The following AGPAT3 variants were observed in gnomAD, a reference collection of about 807,000 sequenced individuals.
The protein encoded by AGPAT3 is 1-acylglycerol-3-phosphate O-acyltransferase 3.
Under a neutral mutation model 47.3 loss-of-function variants are expected in AGPAT3, and 5 were observed. The ratio of observed to expected loss-of-function variants is 0.11; its 90% confidence interval spans 0.06 to 0.22. AGPAT3 has a LOEUF of 0.22. AGPAT3 is among the 10% of genes least tolerant of loss of function. The pLI is 1.00. For synonymous variants in AGPAT3, 212 were observed against 208.3 expected (o/e 1.02, Z -0.15); for missense variants, 315 against 493.0 (o/e 0.64, Z 3.42).
rs1008711500 is a variant in AGPAT3, at chr21:43,908,481, A to G, written c.-49+4462A>G. On this transcript the variant is annotated intron_variant, in intron 2 of 9. Coordinates refer to ENST00000291572, the MANE Select transcript of AGPAT3 (RefSeq NM_020132.5). The surrounding 1 kb of genome is among the most constrained non-coding windows in gnomAD (Gnocchi z 4.9). ...CTCGCTCCGTGATTCATAACAAGGCATTTGCTTTCCTGGGCCTTGGTGACC... is the reference window on the plus strand; with the variant it reads ...CTCGCTCCGTGATTCATAACAAGGCGTTTGCTTTCCTGGGCCTTGGTGACC... Among the ~76,000 whole-genome samples the G allele has an allele frequency of 6.6e-6, 1 of 152,132 alleles. No homozygotes were observed. The highest frequency in any genetic ancestry group is 1.5e-5 in the Non-Finnish European group (1 of 68,024).
chr21:43,886,811 T>C (rs1477000260), intron 1 of AGPAT3, among the ~76,000 whole-genome samples: 1 of 152,254 alleles, frequency 6.6e-6, no homozygotes, highest in East Asian at 1.9e-4. Context: ...TACTCCATTG[T>C]GTATAAGAAC....
chr21:43,941,790 C>T (rs2087665091), intron 2 of AGPAT3, among the ~76,000 whole-genome samples: 1 of 152,234 alleles, frequency 6.6e-6, no homozygotes, highest in African/African-American at 2.4e-5. Flanking sequence ...GGCGCCTGGG[C>T]GGAGAAAGGG....
chr21:43,909,877 C>T (rs996942481), intron 2 of AGPAT3, among the ~76,000 whole-genome samples: 6 of 152,120 alleles, frequency 3.9e-5, no homozygotes, highest in African/African-American at 9.7e-5. Context: ...TCTATCTGAA[C>T]GCTAGCCCGG....
intron 7 of AGPAT3, among the ~76,000 whole-genome samples, chr21:43,977,676 G>A (rs2089670249): frequency 6.6e-6 from 1 of 152,052 alleles, no homozygotes; most frequent in Non-Finnish European, 1.5e-5. Flanking sequence ...AAGAGATCGA[G>A]ACCATCCTGG....
intron 7 of AGPAT3, among the ~76,000 whole-genome samples, chr21:43,975,325 C>A (rs1019539394): frequency 6.9e-6 from 1 of 145,764 alleles, no homozygotes; most frequent in African/African-American, 2.6e-5. Flanking sequence ...CTGGCGTGTG[C>A]TGGCGTGTGG....
intron 2 of AGPAT3, among the ~76,000 whole-genome samples, chr21:43,910,482 A>C (rs2086608094): frequency 6.6e-6 from 1 of 152,212 alleles, no homozygotes; most frequent in Non-Finnish European, 1.5e-5. Flanking sequence ...GAATTAGGTG[A>C]ATACAGGTGA....
At position 43,981,944 on chromosome 21, in the gene AGPAT3, T is replaced by C. The variant is rs2089868511; in HGVS notation, c.1043-360T>C. ...GATGTGACCTGCTTACATCCGAGGG[T>C]CCTGCTCGTCCACCTCTGTCACCTG... On this transcript the variant is annotated intron_variant, in intron 9 of 9. Coordinates refer to ENST00000291572, the MANE Select transcript of AGPAT3 (RefSeq NM_020132.5). This position sits in a 1 kb window ranked among gnomAD's most constrained non-coding sequence, Gnocchi z 5.3. Among the ~76,000 whole-genome samples the C allele has an allele frequency of 3.3e-5, 5 of 152,200 alleles. No individual in the cohort carries two copies. In the South Asian group the frequency reaches 1.0e-3, roughly 32 times the overall value.
chr21:43,971,519 CG>C, intron 7 of AGPAT3, 29 bp downstream of exon 7: 2 of 1,604,104 alleles, frequency 1.2e-6, no homozygotes, highest in South Asian at 2.2e-5. Flanking sequence ...GCTCTCGCGC[CG>C]CCCCCCATAC....
chr21:43,970,453 C>T lies in AGPAT3; in HGVS notation c.511-200C>T, dbSNP rs943450644. Among the ~76,000 whole-genome samples the T allele has an allele frequency of 2.0e-5, 3 of 151,240 alleles. No homozygotes were observed. The highest frequency in any genetic ancestry group is 4.9e-5 in the African/African-American group (2 of 40,930). ...TGGAGAGCTCTCCTGTGTGAATGAACGTGTGTGACTGGAGTGCAGACTGTG... is the reference window on the plus strand; with the variant it reads ...TGGAGAGCTCTCCTGTGTGAATGAATGTGTGTGACTGGAGTGCAGACTGTG... On this transcript the variant is annotated intron_variant, in intron 5 of 9. Transcript: ENST00000291572. This position sits in a 1 kb window ranked among gnomAD's most constrained non-coding sequence, Gnocchi z 5.8.
chr21:43,876,201 T>G (rs1015040018), intron 1 of AGPAT3, among the ~76,000 whole-genome samples: 1 of 152,226 alleles, frequency 6.6e-6, no homozygotes, highest in Non-Finnish European at 1.5e-5. Flanking sequence ...TACACTTATT[T>G]TTATTTTCTC....
chr21:43,963,988 G>A (rs1419664580), intron 3 of AGPAT3, among the ~76,000 whole-genome samples: 1 of 152,104 alleles, frequency 6.6e-6, no homozygotes, highest in African/African-American at 2.4e-5. Context: ...TTAAGGATGT[G>A]TTTCAGTAAG....
rs928322565 is a variant in AGPAT3, at chr21:43,880,820, C to T, written c.-112+15475C>T. Among the ~76,000 whole-genome samples the T allele has an allele frequency of 6.6e-6, 1 of 152,182 alleles. No homozygotes were observed. Among genetic ancestry groups the T allele is most frequent in the African/African-American group, 2.4e-5 (1 of 41,440 alleles). On this transcript the variant is annotated intron_variant, in intron 1 of 9. Coordinates refer to ENST00000291572, the MANE Select transcript of AGPAT3 (RefSeq NM_020132.5). The surrounding 1 kb of genome is among the most constrained non-coding windows in gnomAD (Gnocchi z 4.5). ...AGGCGGCTTATTGCTGAGTGATGGT[C>T]CCTGGACATTTCCAGTCGACTGTGT...
At position 43,982,150 on chromosome 21, in the gene AGPAT3, G is replaced by T. The variant is rs1009269744; in HGVS notation, c.1043-154G>T. 6.6e-6 allele frequency among the ~76,000 whole-genome samples: 1 copy of T among 152,184 alleles called. No individual in the cohort carries two copies. Among genetic ancestry groups the T allele is most frequent in the Non-Finnish European group, 1.5e-5 (1 of 68,038 alleles). ...CACGGTCTGAGAGGGCTGTCTCCCC[G>T]CGGGCCACACCTACTCACTGACAGC... is the stretch of plus-strand genomic sequence containing the variant. On this transcript the variant is annotated intron_variant, in intron 9 of 9. Coordinates refer to ENST00000291572, the MANE Select transcript of AGPAT3 (RefSeq NM_020132.5). This position sits in a 1 kb window ranked among gnomAD's most constrained non-coding sequence, Gnocchi z 6.2.
At chr21:43,886,262 A>T (rs187607011) in intron 1 of AGPAT3, among the ~76,000 whole-genome samples, 15 of 152,034 alleles carry the variant, frequency 9.9e-5, no homozygotes, top group Admixed American at 2.0e-4. Context: ...TATTAAAAAA[A>T]TTTTTTTTAA....
rs1291882466 is a variant in AGPAT3, at chr21:43,955,053, G to A, written c.-48-4581G>A. The stretch of plus-strand genomic sequence containing the variant: ...GAATGTGCATCACGGCTCTATCTGT[G>A]GCCCCCAAAGGCTGGGTGCCAGCTG... On this transcript the variant is annotated intron_variant, in intron 2 of 9. Transcript: ENST00000291572. The surrounding 1 kb of genome is among the most constrained non-coding windows in gnomAD (Gnocchi z 4.1). 3.3e-6 allele frequency: 4 copies of A among 1,220,892 alleles called. No individual in the cohort carries two copies. Among genetic ancestry groups the A allele is most frequent in the Non-Finnish European group, 3.2e-6 (3 of 947,516 alleles). The allele number at this position is 1,220,892 out of a possible 1,614,324, so 75.6% of individuals were successfully genotyped here. A position where few individuals can be genotyped will look rare whatever the true frequency, so the allele number is the denominator to read the frequency against.
rs1473292378 is a variant in AGPAT3, at chr21:43,952,673, C to G, written c.-48-6961C>G. On this transcript the variant is annotated intron_variant, in intron 2 of 9. Coordinates refer to ENST00000291572, the MANE Select transcript of AGPAT3 (RefSeq NM_020132.5). The surrounding 1 kb of genome is among the most constrained non-coding windows in gnomAD (Gnocchi z 5.6). ...AAATCTGTTGTTTAATGAAGACGCGCTGGCACCAAGCTTCTGGGCGACCTA... is the reference window on the plus strand; with the variant it reads ...AAATCTGTTGTTTAATGAAGACGCGGTGGCACCAAGCTTCTGGGCGACCTA... Among the ~76,000 whole-genome samples, 2 of 152,144 alleles carry G rather than the reference C, an allele frequency of 1.3e-5. No homozygotes were observed. Among genetic ancestry groups the G allele is most frequent in the African/African-American group, 4.8e-5 (2 of 41,418 alleles).
chr21:43,977,399 C>T (rs548007087), intron 7 of AGPAT3, among the ~76,000 whole-genome samples: 3 of 152,300 alleles, frequency 2.0e-5, no homozygotes, highest in Non-Finnish European at 4.4e-5. Flanking sequence ...CACACATGAC[C>T]ACCCTTCTCA....
At chr21:43,867,142 C>G (rs752614795) in intron 1 of AGPAT3, 5 of 152,312 alleles carry the variant, frequency 3.3e-5, no homozygotes, top group Non-Finnish European at 5.9e-5. Context: ...GCCGTAGACA[C>G]GTGACTGATA....
At chr21:43,906,035 G>T (rs2838429) in intron 2 of AGPAT3, among the ~76,000 whole-genome samples, 50,071 of 152,084 alleles carry the variant, frequency 0.33, 8,816 homozygotes, top group East Asian at 0.6. Context: ...AGAAGATGAA[G>T]ATGGAAATCG....
Sources: gnomAD v4.1 joint callset for allele counts (sites outside exome capture counted in the v4.1 genomes callset) on GRCh38, gnomAD v4.1.1 for gene constraint, Gnocchi (gnomAD v3.1) non-coding constraint, MANE v1.5 for transcripts, NCBI Gene and HGNC (gene_info 2026-07-23, HGNC 2026-07-21) for gene names.